CSNK2A1: variants seen among roughly 807,000 people sequenced by gnomAD.
CSNK2A1 encodes casein kinase II subunit alpha.
In CSNK2A1, 10 loss-of-function variants were observed where a neutral mutation model predicts 62.9. The observed-to-expected ratio is 0.16, with a 90% CI of 0.10 to 0.27. The LOEUF is 0.27. CSNK2A1 is among the 10% of genes least tolerant of loss of function. CSNK2A1 has a pLI of 1.00. For synonymous variants in CSNK2A1, 124 were observed against 167.8 expected (o/e 0.74, Z 2.02); for missense variants, 160 against 492.0 (o/e 0.33, Z 6.38).
Position 499,958 on chromosome 20 carries a change from CAAAAAAAA to C in CSNK2A1, c.214-32_214-25del. ...GGCTGAAAGGGGAAAAGTACATCAG[CAAAAAAAA>C]AAAAAAAAAATTTTTTCAGAGTATT... On this transcript the variant is annotated intron_variant, in intron 4 of 13. Coordinates refer to ENST00000217244, the MANE Select transcript of CSNK2A1 (RefSeq NM_177559.3). This position sits in a 1 kb window ranked among gnomAD's most constrained non-coding sequence, Gnocchi z 4.2. 7.9e-7 allele frequency: 1 copy of C among 1,270,842 alleles called. No individual in the cohort carries two copies. Among genetic ancestry groups the C allele is most frequent in the Middle Eastern group, 2.7e-4 (1 of 3,732 alleles). 78.7% of individuals were successfully genotyped at this position (1,270,842 alleles called of 1,614,324 possible). A position where few individuals can be genotyped will look rare whatever the true frequency, so the allele number is the denominator to read the frequency against.
chr20:503,423 G>C, intron 4 of CSNK2A1: 1 of 398,454 alleles, frequency 2.5e-6, no homozygotes, highest in Non-Finnish European at 4.4e-6. Context: ...TTTCAAGACA[G>C]ATATAAATAC....
intron 2 of CSNK2A1, among the ~76,000 whole-genome samples, chr20:523,406 C>G (rs1431328169): frequency 2.6e-5 from 4 of 152,098 alleles, no homozygotes; most frequent in Non-Finnish European, 4.4e-5. Context: ...AAATGTCCTT[C>G]AAGGAGTGAA....
intron 1 of CSNK2A1, among the ~76,000 whole-genome samples, chr20:541,484 A>C (rs2019448298): frequency 6.6e-6 from 1 of 152,202 alleles, no homozygotes; most frequent in Non-Finnish European, 1.5e-5. Flanking sequence ...ATGTGAAGTA[A>C]AGTATATATA....
At chr20:517,777 A>G (rs1324379465) in intron 2 of CSNK2A1, among the ~76,000 whole-genome samples, 8 of 151,828 alleles carry the variant, frequency 5.3e-5, no homozygotes, top group African/African-American at 1.9e-4. Context: ...TATAAGAAAC[A>G]CATCATTGGA....
chr20:517,449 CAAAG>C (rs2018850502), intron 2 of CSNK2A1, among the ~76,000 whole-genome samples: 1 of 152,168 alleles, frequency 6.6e-6, no homozygotes, highest in South Asian at 2.1e-4. Flanking sequence ...TGCCCTCAGA[CAAAG>C]AAAACAGACC....
intron 1 of CSNK2A1, chr20:539,935 C>A (rs1382093920): frequency 6.6e-6 from 1 of 152,172 alleles, no homozygotes; most frequent in East Asian, 1.9e-4. Flanking sequence ...TTAGACATTC[C>A]AGTTCAAATG....
intron 1 of CSNK2A1, among the ~76,000 whole-genome samples, chr20:531,193 T>G (rs557804768): frequency 4.5e-4 from 68 of 152,316 alleles, no homozygotes; most frequent in African/African-American, 1.5e-3. Context: ...AACTTTCTAT[T>G]TCTTAAAAGA....
rs2017886996 is a variant in CSNK2A1 at position 478,183 on chromosome 20, C to T, written c.*5778G>A. 1 of 152,766 alleles carries T rather than the reference C, an allele frequency of 6.5e-6. No homozygotes were observed. The highest frequency in any genetic ancestry group is 2.0e-4 in the South Asian group (1 of 4,896). The allele number at this position is 152,766 out of a possible 1,614,324, so 9.5% of individuals were successfully genotyped here. On this transcript the variant is annotated 3_prime_UTR_variant, in exon 14 of 14. Transcript: ENST00000217244. ...AATGTTTGTTGAAACCAAAGACATC[C>T]TATATTACAGAAATGAACTTTGGAA... is the stretch of plus-strand genomic sequence containing the variant.
intron 2 of CSNK2A1, among the ~76,000 whole-genome samples, chr20:513,685 C>G (rs1442676485): frequency 6.6e-6 from 1 of 152,068 alleles, no homozygotes; most frequent in Non-Finnish European, 1.5e-5. Flanking sequence ...GTTTCAAGGC[C>G]CTGGCATCCT....
chr20:492,356 T>C lies in CSNK2A1; in HGVS notation c.519A>G (p.Leu173=). The C allele has an allele frequency of 1.2e-6, 2 of 1,614,058 alleles. No homozygotes were observed. The highest frequency in any genetic ancestry group is 1.1e-5 in the South Asian group (1 of 91,084). ...MIDHEHRKLR[L]IDWGLAEFYH... is the part of the protein sequence containing the mutation. ...AAAACTCAGCCAAACCCCAGTCTAT[T>C]AGTCGTAGCTGAAAAAGAATAAACC... The change falls in exon 9 of 14, where the codon CTA becomes CTG. Residue 173 remains leucine (L), a synonymous_variant. Coordinates refer to ENST00000217244, the MANE Select transcript of CSNK2A1 (RefSeq NM_177559.3).
chr20:535,174 G>T (rs565618935), intron 1 of CSNK2A1, among the ~76,000 whole-genome samples: 73 of 151,808 alleles, frequency 4.8e-4, no homozygotes, highest in African/African-American at 1.7e-3. Context: ...TGGGCAACAT[G>T]GTGAGACCTT....
rs750062577 is a variant in CSNK2A1, at chr20:478,765, CAAAAAAAA to C, written c.*5188_*5195del. The stretch of plus-strand genomic sequence containing the variant: ...CAACACGGCAAAACTTCATCTCTAC[CAAAAAAAA>C]AAAAAAAAAAATTAGCCAAGCATGA... On this transcript the variant is annotated 3_prime_UTR_variant, in exon 14 of 14. Coordinates refer to ENST00000217244, the MANE Select transcript of CSNK2A1 (RefSeq NM_177559.3). 54 of 175,854 alleles carry C rather than the reference CAAAAAAAA, an allele frequency of 3.1e-4. No individual in the cohort carries two copies. Among genetic ancestry groups the C allele is most frequent in the Non-Finnish European group, 2.4e-4 (21 of 86,132 alleles). The allele number at this position is 175,854 out of a possible 1,614,324, so 10.9% of individuals were successfully genotyped here.
At chr20:484,716 G>T (rs1410911315) in intron 13 of CSNK2A1, among the ~76,000 whole-genome samples, 1 of 151,662 alleles carries the variant, frequency 6.6e-6, no homozygotes, top group Non-Finnish European at 1.5e-5. Context: ...GTGTGTGTGT[G>T]TGTGTGTGTA....
chr20:507,704 C>T (rs1342297673), intron 3 of CSNK2A1: 1 of 152,194 alleles, frequency 6.6e-6, no homozygotes, highest in Non-Finnish European at 1.5e-5. Context: ...CTGTTTCGTC[C>T]TCCTGTATTA....
intron 8 of CSNK2A1, chr20:494,531 G>A (rs1255343227): frequency 6.6e-6 from 1 of 152,222 alleles, no homozygotes; most frequent in Non-Finnish European, 1.5e-5. Context: ...AGCAATGTAT[G>A]AGAGATCAAG....
Position 478,595 on chromosome 20 carries a change from G to T in CSNK2A1, c.*5366C>A. On this transcript the variant is annotated 3_prime_UTR_variant, in exon 14 of 14. Transcript: ENST00000217244. ...TGACCATCCTGTAAGCTTCCATCTG[G>T]AGGTACCTGGGGAAGGGCTTCTCAC... The T allele has an allele frequency of 5.0e-6, 2 of 397,950 alleles. No individual in the cohort carries two copies. Among genetic ancestry groups the T allele is most frequent in the Admixed American group, 3.2e-5 (1 of 31,552 alleles). The allele number at this position is 397,950 out of a possible 1,614,324, so 24.7% of individuals were successfully genotyped here.
At chr20:498,108 G>T in intron 6 of CSNK2A1, 1 of 218,352 alleles carries the variant, frequency 4.6e-6, no homozygotes, top group Non-Finnish European at 9.1e-6. Context: ...TCTCAAAAGA[G>T]GCATTTTGGC....
At position 499,341 on chromosome 20, in the gene CSNK2A1, G is replaced by A. The variant is rs1472410955; in HGVS notation, c.316-36C>T. On this transcript the variant is annotated intron_variant, in intron 5 of 13. Coordinates refer to ENST00000217244, the MANE Select transcript of CSNK2A1 (RefSeq NM_177559.3). This position sits in a 1 kb window ranked among gnomAD's most constrained non-coding sequence, Gnocchi z 4.2. ...AGAACAAAAACAAAAACACACATTA[G>A]CAATAGCCCTGACAGCTTTAATGGG... is the stretch of plus-strand genomic sequence containing the variant. The A allele has an allele frequency of 6.3e-7, 1 of 1,595,700 alleles. No individual in the cohort carries two copies. Among genetic ancestry groups the A allele is most frequent in the Non-Finnish European group, 8.5e-7 (1 of 1,170,922 alleles).
At chr20:529,234 C>T (rs1326794361) in intron 1 of CSNK2A1, among the ~76,000 whole-genome samples, 1 of 151,374 alleles carries the variant, frequency 6.6e-6, no homozygotes, top group African/African-American at 2.4e-5. Flanking sequence ...CTATGTTGCC[C>T]GGGCTAGTCT....
Sources: allele counts gnomAD v4.1 joint callset (sites outside exome capture counted in the v4.1 genomes callset), GRCh38; gene constraint gnomAD v4.1.1; non-coding constraint Gnocchi (gnomAD v3.1); transcripts MANE v1.5; gene names NCBI Gene and HGNC (gene_info 2026-07-23, HGNC 2026-07-21).